Variants in MGAM2 observed in about 807,000 individuals in gnomAD.
MGAM2 encodes maltase-glucoamylase 2 (putative).
MGAM2 carries 98 observed loss-of-function variants against 96.1 expected under a neutral mutation model. That is an observed-to-expected ratio of 1.02 (90% CI 0.87 to 1.21). The LOEUF (loss-of-function observed/expected upper bound fraction) is 1.21. MGAM2 is among the 50% of genes most tolerant of loss of function. The pLI is 0.00. For missense variants in MGAM2, 2,055 were observed against 1,182.4 expected, an observed-to-expected ratio of 1.74 and a Z score of -10.82; for synonymous variants, 749 against 414.8, an observed-to-expected ratio of 1.81 and a Z score of -9.79.
intron 45 of MGAM2, among the ~76,000 whole-genome samples, chr7:142,206,519 C>T (rs753653448): frequency 9.9e-5 from 15 of 152,040 alleles, no homozygotes; most frequent in Non-Finnish European, 2.1e-4. Flanking sequence ...ACAGGTTTAG[C>T]TAATTAGGAC....
chr7:142,185,627 A>G (rs1206876913), intron 34 of MGAM2, among the ~76,000 whole-genome samples: 2 of 152,148 alleles, frequency 1.3e-5, no homozygotes, highest in Non-Finnish European at 2.9e-5. Context: ...ATAGTCTGGA[A>G]AAAGCTTTTG....
intron 15 of MGAM2, among the ~76,000 whole-genome samples, chr7:142,149,685 CAGCT>C (rs1354806046): frequency 1.3e-5 from 2 of 152,114 alleles, no homozygotes; most frequent in Admixed American, 6.5e-5. Context: ...GGACTACAGG[CAGCT>C]GCCACCACGC....
At position 142,159,274 on chromosome 7, in the gene MGAM2, GT is replaced by G. The variant is rs1338866992; in HGVS notation, c.2164-11del. 6.4e-5 allele frequency: 45 copies of G among 701,742 alleles called. No homozygotes were observed. The highest frequency in any genetic ancestry group is 1.2e-4 in the Admixed American group (6 of 49,958). The allele number at this position is 701,742 out of a possible 1,614,324, so 43.5% of individuals were successfully genotyped here. A position where few individuals can be genotyped will look rare whatever the true frequency, so the allele number is the denominator to read the frequency against. ...GGGTATGCTAATGCTACTCATTATT[GT>G]TGTTTACCTAGGGTGTGGACGAAGT... On this transcript the variant is annotated splice_polypyrimidine_tract_variant and intron_variant, in intron 19 of 47. Transcript: ENST00000477922.
chr7:142,190,267 CTTTTTTTTT>C (rs58228482), intron 37 of MGAM2, among the ~76,000 whole-genome samples: 5 of 104,242 alleles, frequency 4.8e-5, no homozygotes, highest in Non-Finnish European at 5.6e-5. Flanking sequence ...TACCATTTTA[CTTTTTTTTT>C]TTTTTTTTTT....
intron 3 of MGAM2, among the ~76,000 whole-genome samples, chr7:142,123,161 T>C (rs1038721887): frequency 6.7e-6 from 1 of 150,288 alleles, no homozygotes; most frequent in African/African-American, 2.4e-5. Flanking sequence ...TTGTTAGGTA[T>C]AGTTATATTC....
At chr7:142,213,763 G>A (rs529607080) in intron 46 of MGAM2, among the ~76,000 whole-genome samples, 13 of 152,176 alleles carry the variant, frequency 8.5e-5, no homozygotes, top group Admixed American at 2.6e-4. Flanking sequence ...AACTGGTACC[G>A]TTCCTCCTGA....
intron 17 of MGAM2, among the ~76,000 whole-genome samples, chr7:142,155,190 A>G (rs1290907145): frequency 6.6e-6 from 1 of 152,224 alleles, no homozygotes; most frequent in Non-Finnish European, 1.5e-5. Context: ...GAAATCCCTC[A>G]TAGGTATGGA....
intron 14 of MGAM2, 23 bp from the exon 15 acceptor site, chr7:142,147,433 C>T (rs545732128): frequency 2.9e-5 from 20 of 692,074 alleles, no homozygotes; most frequent in African/African-American, 1.1e-4. Flanking sequence ...GGAAGTGCCT[C>T]ACTAATGAGT....
At chr7:142,114,224 A>AAGAAAGAAAGAAAGAAAGAAAGAG (rs1554499608) in intron 1 of MGAM2, among the ~76,000 whole-genome samples, 2 of 136,990 alleles carry the variant, frequency 1.5e-5, no homozygotes, top group South Asian at 2.4e-4. Flanking sequence ...GAGAGAAAGA[A>AAGAAAGAAAGAAAGAAAGAAAGAG]AGAAAGAAAT....
chr7:142,196,465 GT>G, intron 38 of MGAM2, 99 bp from the exon 39 acceptor site: 1 of 695,202 alleles, frequency 1.4e-6, no homozygotes, highest in South Asian at 1.5e-5. Flanking sequence ...TTTCATCATG[GT>G]CCAGGGCTTT....
intron 45 of MGAM2, among the ~76,000 whole-genome samples, chr7:142,203,292 TG>T (rs1178793524): frequency 6.6e-6 from 1 of 152,204 alleles, no homozygotes; most frequent in East Asian, 1.9e-4. Flanking sequence ...AAGTCCAACT[TG>T]TCAATTTTTG....
Position 142,134,056 on chromosome 7 carries a change from T to C in MGAM2, c.651T>C (p.Asn217=), listed in dbSNP as rs1170139379. 4 of 760,516 alleles carry C rather than the reference T, an allele frequency of 5.3e-6. No homozygotes were observed. Among genetic ancestry groups the C allele is most frequent in the African/African-American group, 1.7e-5 (1 of 59,016 alleles). The allele number at this position is 760,516 out of a possible 1,614,324, so 47.1% of individuals were successfully genotyped here. ...LQLSFRLPSA[N]VYGLGEHVHQ... is the part of the protein sequence containing the mutation. The stretch of plus-strand genomic sequence containing the variant: ...TGTCTTTCCGACTGCCCAGTGCCAA[T>C]GTGTATGGGCTGGGAGAGCATGTGC... The change falls in exon 7 of 48, where the codon AAT becomes AAC. Residue 217 remains asparagine (N), a synonymous_variant. Transcript: ENST00000477922.
chr7:142,179,002 AGGTATTC>A (rs1796460546), intron 32 of MGAM2, among the ~76,000 whole-genome samples: 1 of 151,926 alleles, frequency 6.6e-6, no homozygotes, highest in Non-Finnish European at 1.5e-5. Flanking sequence ...ATGTTTTCCT[AGGTATTC>A]TATCCTTTCT....
At chr7:142,209,160 C>A (rs537773976) in intron 46 of MGAM2, among the ~76,000 whole-genome samples, 1 of 152,252 alleles carries the variant, frequency 6.6e-6, no homozygotes, top group South Asian at 2.1e-4. Context: ...GGTCAGCTGA[C>A]TCTCATATGA....
At chr7:142,113,616 G>C (rs1420993090) in intron 1 of MGAM2, among the ~76,000 whole-genome samples, 1 of 152,118 alleles carries the variant, frequency 6.6e-6, no homozygotes, top group Non-Finnish European at 1.5e-5. Flanking sequence ...CTGGGAGTGA[G>C]GTGTGGGGAG....
At chr7:142,210,786 C>G (rs1371305939) in intron 46 of MGAM2, among the ~76,000 whole-genome samples, 4 of 152,228 alleles carry the variant, frequency 2.6e-5, no homozygotes, top group Admixed American at 2.6e-4. Context: ...ACCTTCCTGC[C>G]TGCCAGCTCT....
At chr7:142,214,019 T>C (rs1005837078) in intron 46 of MGAM2, among the ~76,000 whole-genome samples, 12 of 152,104 alleles carry the variant, frequency 7.9e-5, no homozygotes, top group Non-Finnish European at 1.6e-4. Context: ...AAGTCAATAA[T>C]TGCAATCCAT....
chr7:142,129,198 C>A (rs895212833), intron 3 of MGAM2, among the ~76,000 whole-genome samples: 1 of 152,170 alleles, frequency 6.6e-6, no homozygotes, highest in Non-Finnish European at 1.5e-5. Context: ...TCATTTTGAC[C>A]AATTTCTCCC....
intron 6 of MGAM2, 128 bp downstream of exon 6, chr7:142,132,213 C>T: frequency 2.0e-6 from 1 of 492,580 alleles, no homozygotes; most frequent in African/African-American, 2.0e-5. Flanking sequence ...GAAAAATGTC[C>T]AAGGGTTTGC....
Sources: gnomAD v4.1 joint callset for allele counts (sites outside exome capture counted in the v4.1 genomes callset) on GRCh38, gnomAD v4.1.1 for gene constraint, MANE v1.5 for transcripts, NCBI Gene and HGNC (gene_info 2026-07-23, HGNC 2026-07-21) for gene names.